ANK2: variants seen among roughly 807,000 people sequenced by gnomAD.
The protein encoded by ANK2 is ankyrin 2.
Under a neutral mutation model 360.5 loss-of-function variants are expected in ANK2, and 83 were observed. The ratio of observed to expected loss-of-function variants is 0.23; its 90% confidence interval spans 0.19 to 0.28. The LOEUF (loss-of-function observed/expected upper bound fraction) is 0.28, where lower values mean the gene tolerates loss of function less well. Ranked by LOEUF, ANK2 falls within the 10% of genes least tolerant of loss-of-function variation. The probability of loss-of-function intolerance (pLI) is 1.00; values close to 1 mark genes in which losing one functional copy is unlikely to be tolerated. For missense variants in ANK2, 4,201 were observed against 4,795.7 expected (o/e 0.88, Z 3.66); for synonymous variants, 1,740 against 1,759.5 (o/e 0.99, Z 0.28).
At chr4:113,009,626 C>T (rs970471070) in intron 2 of ANK2, among the ~76,000 whole-genome samples, 11 of 152,062 alleles carry the variant, frequency 7.2e-5, no homozygotes, top group African/African-American at 2.4e-4. Flanking sequence ...ATTCTAGAGA[C>T]TTCAGCTGGG....
the ANK2 span, among the ~76,000 whole-genome samples, chr4:112,746,143 G>A: frequency 2.6e-5 from 4 of 151,658 alleles, no homozygotes; most frequent in East Asian, 1.9e-4. Context: ...CATATATTTA[G>A]GATGACAATT....
At chr4:113,160,585 A>G (rs1002890632) in intron 1 of ANK2, among the ~76,000 whole-genome samples, 2 of 152,172 alleles carry the variant, frequency 1.3e-5, no homozygotes, top group African/African-American at 4.8e-5. Flanking sequence ...CCTGTTGAAC[A>G]TCTTCCCTTA....
chr4:112,718,615 A>G, the ANK2 span, among the ~76,000 whole-genome samples: 10 of 150,794 alleles, frequency 6.6e-5, no homozygotes, highest in African/African-American at 2.4e-4. Flanking sequence ...GGCCTGGCCT[A>G]CTTCTTAGCA....
chr4:113,330,540 A>G (rs1426475229), intron 27 of ANK2, 70 bp downstream of exon 27: 8 of 1,511,522 alleles, frequency 5.3e-6, no homozygotes, highest in Non-Finnish European at 7.3e-6. Flanking sequence ...AATCACTAGG[A>G]TGGAATGGAA....
chr4:112,850,178 A>C (rs973448159), intron 1 of ANK2, among the ~76,000 whole-genome samples: 1 of 152,188 alleles, frequency 6.6e-6, no homozygotes, highest in East Asian at 1.9e-4. Flanking sequence ...AAGGGCATCA[A>C]TTTGCAGATG....
the ANK2 span, among the ~76,000 whole-genome samples, chr4:112,762,006 G>A: frequency 6.6e-6 from 1 of 152,218 alleles, no homozygotes; most frequent in Non-Finnish European, 1.5e-5. Context: ...AGGTGATGTC[G>A]TGCTAGAGAA....
chr4:112,944,211 T>C (rs1335237974), intron 2 of ANK2, among the ~76,000 whole-genome samples: 4 of 152,208 alleles, frequency 2.6e-5, no homozygotes, highest in Non-Finnish European at 2.9e-5. Flanking sequence ...TTTTCCTAAG[T>C]CATAAATGAT....
Position 113,381,672 on chromosome 4 carries a change from A to G in ANK2, c.*201A>G, listed in dbSNP as rs944726073. ...GCCCAGTTCTCACACCAGAAACCAC[A>G]CATTCACTCAATATGCAGCTTCCTG... On this transcript the variant is annotated 3_prime_UTR_variant, in exon 46 of 46. Coordinates refer to ENST00000357077, the MANE Select transcript of ANK2 (RefSeq NM_001148.6). 1 of 1,537,500 alleles carries G rather than the reference A, an allele frequency of 6.5e-7. No homozygotes were observed. The highest frequency in any genetic ancestry group is 8.7e-7 in the Non-Finnish European group (1 of 1,145,018).
At chr4:113,171,312 G>A (rs185853411) in intron 1 of ANK2, among the ~76,000 whole-genome samples, 15 of 152,268 alleles carry the variant, frequency 9.9e-5, no homozygotes, top group African/African-American at 3.6e-4. Flanking sequence ...TGTGTCAAGG[G>A]CCTTAATCAC....
the ANK2 span, among the ~76,000 whole-genome samples, chr4:112,751,792 G>A: frequency 6.6e-6 from 1 of 152,210 alleles, no homozygotes; most frequent in Non-Finnish European, 1.5e-5. Context: ...CAAAGGAGGT[G>A]TTAAGGACTT....
At chr4:112,828,399 A>G (rs1002089296) in intron 1 of ANK2, among the ~76,000 whole-genome samples, 3 of 152,030 alleles carry the variant, frequency 2.0e-5, no homozygotes, top group Non-Finnish European at 4.4e-5. Flanking sequence ...ACGTCCAGCT[A>G]ATTTTTGTAT....
chr4:112,994,746 C>A (rs541660980), intron 2 of ANK2, among the ~76,000 whole-genome samples: 2 of 152,224 alleles, frequency 1.3e-5, no homozygotes, highest in East Asian at 3.9e-4. Context: ...GTTTTTCAAC[C>A]CTTTCTCCCC....
rs1588354762 is a variant in ANK2, at chr4:113,330,289, C to T, written c.2944C>T (p.Arg982Ter). The change falls in exon 27 of 46, where the codon CGA (arginine) becomes TGA (stop). Residue 982 changes from arginine (R) to a stop codon, truncating the protein, a stop_gained. Coordinates refer to ENST00000357077, the MANE Select transcript of ANK2 (RefSeq NM_001148.6). LOFTEE classifies it high-confidence loss of function. ...GGTGGATGCCCGAGGTGGTGCTATG[C>T]GAGGATGCAGACACAATGGGCTCCG... is the stretch of plus-strand genomic sequence containing the variant. The part of the protein sequence containing the change: ...FMVDARGGAM[R>*]GCRHNGLRII... 1 of 1,614,148 alleles carries T rather than the reference C, an allele frequency of 6.2e-7. No homozygotes were observed. Among genetic ancestry groups the T allele is most frequent in the Non-Finnish European group, 8.5e-7 (1 of 1,180,016 alleles).
intron 2 of ANK2, among the ~76,000 whole-genome samples, chr4:113,019,592 T>C (rs903513485): frequency 2.0e-5 from 3 of 152,174 alleles, no homozygotes; most frequent in South Asian, 2.1e-4. Context: ...AGGTAACTGA[T>C]TTATGAACAC....
chr4:113,038,419 C>T (rs56103716), intron 2 of ANK2, among the ~76,000 whole-genome samples: 53,990 of 151,790 alleles, frequency 0.36, 11,061 homozygotes, highest in Non-Finnish European at 0.47. Context: ...CAGAACATTG[C>T]AGTTCTGGCT....
intron 1 of ANK2, among the ~76,000 whole-genome samples, chr4:112,901,823 C>CCACTG (rs762480194): frequency 3.3e-5 from 5 of 151,360 alleles, no homozygotes; most frequent in South Asian, 2.1e-4. Flanking sequence ...CAAGATCATG[C>CCACTG]CACTGCACTC....
At chr4:113,037,292 G>T (rs376524936) in intron 2 of ANK2, among the ~76,000 whole-genome samples, 5 of 151,990 alleles carry the variant, frequency 3.3e-5, no homozygotes, top group African/African-American at 9.6e-5. Flanking sequence ...TTTTTACTTA[G>T]ATTTCTACAG....
chr4:113,206,644 G>C (rs569155688), intron 4 of ANK2, among the ~76,000 whole-genome samples: 50 of 142,856 alleles, frequency 3.5e-4, no homozygotes, highest in African/African-American at 1.4e-3. Flanking sequence ...AGGGGCATCT[G>C]TGCTCCTCAG....
Position 113,073,861 on chromosome 4 carries a change from A to C in ANK2, c.84+24049A>C, listed in dbSNP as rs528669181. Among the ~76,000 whole-genome samples the C allele has an allele frequency of 3.5e-4, 53 of 152,266 alleles. 1 individual carries two copies. Among genetic ancestry groups the C allele is most frequent in the Admixed American group, 3.5e-3 (53 of 15,304 alleles). Reference sequence around the variant, plus strand: ...ATTAATTTTGTTTGACAGCAGCAAAAAGTATGCCCTACGTTGGATGCCAGC... The same window carrying C: ...ATTAATTTTGTTTGACAGCAGCAAACAGTATGCCCTACGTTGGATGCCAGC... On this transcript the variant is annotated intron_variant, in intron 1 of 45. Transcript: ENST00000357077.
Sources: allele counts gnomAD v4.1 joint callset (sites outside exome capture counted in the v4.1 genomes callset), GRCh38; gene constraint gnomAD v4.1.1; transcripts MANE v1.5; gene names NCBI Gene and HGNC (gene_info 2026-07-23, HGNC 2026-07-21).